Variants in CAPZA1 observed in about 807,000 individuals in gnomAD.
CAPZA1 encodes F-actin-capping protein subunit alpha-1.
CAPZA1 carries 10 observed loss-of-function variants against 40.8 expected under a neutral mutation model. The ratio of observed to expected loss-of-function variants is 0.25; its 90% CI spans 0.15 to 0.42. The LOEUF is 0.42. CAPZA1 is among the 10% of genes least tolerant of loss of function. The pLI is 1.00. For missense variants in CAPZA1, 277 were observed against 353.8 expected (o/e 0.78, Z 1.74); for synonymous variants, 98 against 115.0 (o/e 0.85, Z 0.95).
chr1:112,656,565 T>C (rs1336933137), intron 5 of CAPZA1, among the ~76,000 whole-genome samples: 1 of 148,554 alleles, frequency 6.7e-6, no homozygotes, highest in African/African-American at 2.5e-5. Context: ...ATTTAGAAAT[T>C]GACTGTTTAA....
intron 1 of CAPZA1, among the ~76,000 whole-genome samples, chr1:112,646,400 G>A (rs1158269395): frequency 2.6e-5 from 4 of 151,992 alleles, no homozygotes; most frequent in African/African-American, 4.8e-5. Context: ...GGCATGATGA[G>A]ACCTGTCTCT....
At chr1:112,658,903 G>A (rs984925704) in intron 5 of CAPZA1, 119 bp from the exon 6 acceptor site, 114 of 742,250 alleles carry the variant, frequency 1.5e-4, no homozygotes, top group Non-Finnish European at 2.4e-5. Context: ...TGTGTTCTAA[G>A]CTCATTTTAT....
intron 8 of CAPZA1, 93 bp from the exon 9 acceptor site, chr1:112,669,450 A>C: frequency 1.1e-6 from 1 of 870,756 alleles, no homozygotes; most frequent in Non-Finnish European, 1.9e-6. Flanking sequence ...AAATTGTCAT[A>C]CAAATGTTAG....
chr1:112,668,481 G>C (rs1214445816), intron 8 of CAPZA1, among the ~76,000 whole-genome samples: 1 of 152,068 alleles, frequency 6.6e-6, no homozygotes, highest in Non-Finnish European at 1.5e-5. Flanking sequence ...TGTGATATTA[G>C]TTGTTTTTTG....
intron 1 of CAPZA1, among the ~76,000 whole-genome samples, chr1:112,625,113 T>C (rs1372106750): frequency 6.6e-6 from 1 of 152,174 alleles, no homozygotes; most frequent in Non-Finnish European, 1.5e-5. Flanking sequence ...TTTCTGTTAG[T>C]CTCTAGGTGT....
At chr1:112,654,417 GA>G (rs890704892) in intron 4 of CAPZA1, 47 bp from the exon 5 acceptor site, 7 of 1,238,588 alleles carry the variant, frequency 5.7e-6, no homozygotes, top group Non-Finnish European at 8.0e-6. Context: ...AAGGCAGTAA[GA>G]ATTGTCTTTT....
At chr1:112,663,657 ATGCC>A (rs1671663654) in intron 7 of CAPZA1, among the ~76,000 whole-genome samples, 1 of 151,888 alleles carries the variant, frequency 6.6e-6, no homozygotes, top group Admixed American at 6.6e-5. Flanking sequence ...ACCTGCCACC[ATGCC>A]TGCCTAATTT....
At chr1:112,658,991 G>A in intron 5 of CAPZA1, 31 bp from the exon 6 acceptor site, 1 of 1,487,614 alleles carries the variant, frequency 6.7e-7, no homozygotes, top group East Asian at 2.3e-5. Flanking sequence ...AGTGTTTGGA[G>A]TCTTTAACTA....
chr1:112,619,916 C>G (rs199900757), intron 1 of CAPZA1, 33 bp downstream of exon 1: 17,925 of 1,574,412 alleles, frequency 0.011, 111 homozygotes, highest in Non-Finnish European at 0.012. Flanking sequence ...TTACCTCCTC[C>G]CCCGACAGGG....
intron 1 of CAPZA1, among the ~76,000 whole-genome samples, chr1:112,643,976 C>G (rs1458543963): frequency 6.6e-6 from 1 of 152,004 alleles, no homozygotes; most frequent in Non-Finnish European, 1.5e-5. Context: ...TCTCAAGTAG[C>G]TGGGATTACA....
At chr1:112,650,286 G>A (rs1189552342) in intron 3 of CAPZA1, among the ~76,000 whole-genome samples, 1 of 152,164 alleles carries the variant, frequency 6.6e-6, no homozygotes, top group Non-Finnish European at 1.5e-5. Flanking sequence ...AGTTGTAAGA[G>A]CTGCTGCCTG....
At chr1:112,637,905 G>C (rs1671053138) in intron 1 of CAPZA1, among the ~76,000 whole-genome samples, 1 of 152,190 alleles carries the variant, frequency 6.6e-6, no homozygotes, top group Non-Finnish European at 1.5e-5. Context: ...ATGCTTAACA[G>C]TTGGGACAGA....
At chr1:112,641,470 TA>T (rs1193074381) in intron 1 of CAPZA1, among the ~76,000 whole-genome samples, 2 of 152,160 alleles carry the variant, frequency 1.3e-5, no homozygotes, top group Admixed American at 1.3e-4. Context: ...TAAACATATA[TA>T]AACAGCATAT....
In CAPZA1 at chr1:112,659,687, G is replaced by T; in HGVS notation, c.507-14G>T. The T allele has an allele frequency of 6.2e-7, 1 of 1,606,244 alleles. No individual in the cohort carries two copies. Among genetic ancestry groups the T allele is most frequent in the Admixed American group, 1.7e-5 (1 of 59,842 alleles). ...TATTGCTAATTCTGCAATGTTGTGT[G>T]TGTGTTTTAATAGGAATGGTCGTTG... is the stretch of plus-strand genomic sequence containing the variant. On this transcript the variant is annotated splice_polypyrimidine_tract_variant and intron_variant, in intron 6 of 9. Coordinates refer to ENST00000263168, the MANE Select transcript of CAPZA1 (RefSeq NM_006135.3).
intron 1 of CAPZA1, among the ~76,000 whole-genome samples, chr1:112,633,453 G>A (rs186403816): frequency 1.3e-5 from 2 of 151,744 alleles, no homozygotes; most frequent in East Asian, 1.9e-4. Context: ...GTATTCCATT[G>A]TGTGTATATA....
intron 1 of CAPZA1, among the ~76,000 whole-genome samples, chr1:112,626,879 GTA>G (rs1282394203): frequency 6.6e-6 from 1 of 152,206 alleles, no homozygotes; most frequent in African/African-American, 2.4e-5. Flanking sequence ...TGTAGTCATG[GTA>G]TAACATACTG....
intron 7 of CAPZA1, among the ~76,000 whole-genome samples, chr1:112,660,549 G>A (rs909964531): frequency 3.9e-5 from 6 of 152,090 alleles, no homozygotes; most frequent in Admixed American, 1.3e-4. Flanking sequence ...CAAAATGCTG[G>A]GATTACAGGC....
intron 3 of CAPZA1, 115 bp from the exon 4 acceptor site, chr1:112,653,482 AT>A: frequency 2.9e-6 from 2 of 693,504 alleles, no homozygotes; most frequent in Non-Finnish European, 4.9e-6. Flanking sequence ...ACAGGGTACT[AT>A]TTTCACATTT....
Position 112,642,198 on chromosome 1 carries a change from G to A in CAPZA1, c.40-5012G>A, listed in dbSNP as rs143834746. 3.8e-3 allele frequency among the ~76,000 whole-genome samples: 409 copies of A among 107,940 alleles called. 1 individual carries two copies. Among genetic ancestry groups the A allele is most frequent in the African/African-American group, 0.012 (360 of 29,116 alleles). The allele number at this position is 107,940 out of a possible 152,430, so 70.8% of individuals were successfully genotyped here. A position where few individuals can be genotyped will look rare whatever the true frequency, so the allele number is the denominator to read the frequency against. ...CATCACAGCCTCTGAAGACTACCCC[G>A]CACCTTTTTTTTTTTTTTTTTTTTT... On this transcript the variant is annotated intron_variant, in intron 1 of 9. Coordinates refer to ENST00000263168, the MANE Select transcript of CAPZA1 (RefSeq NM_006135.3).
Sources: allele counts gnomAD v4.1 joint callset (sites outside exome capture counted in the v4.1 genomes callset), GRCh38; gene constraint gnomAD v4.1.1; transcripts MANE v1.5; gene names NCBI Gene and HGNC (gene_info 2026-07-23, HGNC 2026-07-21).